Variants in ZNF536 observed in about 807,000 individuals in gnomAD.
ZNF536 encodes zinc finger protein 536.
ZNF536 carries 13 observed loss-of-function variants against 84.5 expected under a neutral mutation model. The ratio of observed to expected loss-of-function variants is 0.15; its 90% CI spans 0.10 to 0.24. The LOEUF (loss-of-function observed/expected upper bound fraction) is 0.24. Among genes scored for constraint, ZNF536 ranks in the 10% least tolerant of loss-of-function variants. The pLI, the probability that ZNF536 is intolerant of heterozygous loss-of-function variation, is 1.00. For synonymous variants in ZNF536, 811 were observed against 742.5 expected (o/e 1.09, Z -1.50); for missense variants, 1,536 against 1,747.5 (o/e 0.88, Z 2.16).
intron 1 of ZNF536, among the ~76,000 whole-genome samples, chr19:30,422,077 T>C (rs2050984384): frequency 1.3e-5 from 2 of 152,174 alleles, no homozygotes; most frequent in Non-Finnish European, 2.9e-5. Context: ...GCAGTACAAC[T>C]CTATAGCAAA....
At chr19:30,339,164 G>A (rs2047484277) in intron 2 of ZNF536, among the ~76,000 whole-genome samples, 1 of 152,174 alleles carries the variant, frequency 6.6e-6, no homozygotes, top group South Asian at 2.1e-4. Flanking sequence ...CCATGTTCTG[G>A]AGCAGTGAAA....
At chr19:30,369,961 G>A (rs778938397), upstream of ZNF536, among the ~76,000 whole-genome samples, 19 of 152,132 alleles carry the variant, frequency 1.2e-4, no homozygotes, top group Non-Finnish European at 2.6e-4. Flanking sequence ...TATATGTTGT[G>A]TCCACAGTGG....
intron 1 of ZNF536, among the ~76,000 whole-genome samples, chr19:30,610,929 T>C (rs1405627924): frequency 6.6e-6 from 1 of 152,206 alleles, no homozygotes; most frequent in African/African-American, 2.4e-5. Flanking sequence ...GAAGCTCTGT[T>C]ATTTACCTTC....
chr19:30,377,206 G>C (rs1382036851), intron 1 of ZNF536, among the ~76,000 whole-genome samples: 1 of 152,178 alleles, frequency 6.6e-6, no homozygotes, highest in African/African-American at 2.4e-5. Flanking sequence ...TCAGGTTCTC[G>C]GGAAAGCTGG....
intron 1 of ZNF536, among the ~76,000 whole-genome samples, chr19:30,248,186 G>T (rs892451885): frequency 3.3e-5 from 5 of 151,172 alleles, no homozygotes; most frequent in African/African-American, 1.2e-4. Context: ...TAGCTTTGAA[G>T]ATTTCTTTTT....
chr19:30,471,741 A>G (rs889982886), intron 2 of ZNF536, among the ~76,000 whole-genome samples: 1 of 152,246 alleles, frequency 6.6e-6, no homozygotes, highest in African/African-American at 2.4e-5. Flanking sequence ...GTAACATGAA[A>G]AACTTGACCG....
intron 1 of ZNF536, among the ~76,000 whole-genome samples, chr19:30,667,453 T>C (rs2050372256): frequency 6.6e-6 from 1 of 151,972 alleles, no homozygotes. Flanking sequence ...TCTGTGTCCA[T>C]CCGGGAGGCC....
chr19:30,548,160 A>G lies in ZNF536; in HGVS notation c.2541A>G (p.Gly847=), dbSNP rs759285273. 6.2e-7 allele frequency: 1 copy of G among 1,614,140 alleles called. No individual in the cohort carries two copies. The highest frequency in any genetic ancestry group is 1.1e-5 in the South Asian group (1 of 91,086). Residue 847 remains glycine (G), a synonymous_variant, in exon 4 of 5, where the codon GGA becomes GGG. Transcript: ENST00000355537. ...ILRGAFKGLP[G]IDFRGGPASQ... is the part of the protein sequence containing the mutation. ...GGGGGGCCTTCAAGGGTCTCCCTGG[A>G]ATCGACTTCAGAGGAGGCCCTGCAT...
chr19:30,403,214 AG>A (rs772213571), intron 1 of ZNF536, among the ~76,000 whole-genome samples: 3 of 152,178 alleles, frequency 2.0e-5, no homozygotes, highest in Non-Finnish European at 4.4e-5. Flanking sequence ...CAGACGTCGG[AG>A]TGACTGTAGA....
At chr19:30,516,608 T>A (rs547121047) in intron 2 of ZNF536, among the ~76,000 whole-genome samples, 5 of 152,290 alleles carry the variant, frequency 3.3e-5, no homozygotes, top group African/African-American at 1.2e-4. Context: ...ATTGAGTGAC[T>A]CTGTGGGCCA....
intron 1 of ZNF536, among the ~76,000 whole-genome samples, chr19:30,281,267 C>A (rs1034325851): frequency 2.0e-5 from 3 of 152,202 alleles, no homozygotes; most frequent in African/African-American, 4.8e-5. Context: ...TGTACTCCAG[C>A]CAGGGTCCAC....
chr19:30,620,926 G>T (rs958487398), intron 1 of ZNF536, among the ~76,000 whole-genome samples: 1 of 151,948 alleles, frequency 6.6e-6, no homozygotes, highest in Non-Finnish European at 1.5e-5. Flanking sequence ...CCTGTACTAG[G>T]ATTCCATTTT....
chr19:30,415,954 A>T (rs1006017016), intron 1 of ZNF536, among the ~76,000 whole-genome samples: 3 of 152,024 alleles, frequency 2.0e-5, no homozygotes, highest in African/African-American at 7.2e-5. Flanking sequence ...TTCTTTCTGG[A>T]ACTTCTACTT....
chr19:30,659,885 A>C (rs1019878519), intron 1 of ZNF536, among the ~76,000 whole-genome samples: 1 of 151,552 alleles, frequency 6.6e-6, no homozygotes. Flanking sequence ...TAGAGTGAGC[A>C]CTTGGACTCA....
rs577207911 is a variant in ZNF536 at position 30,636,819 on chromosome 19, G to A, written c.170-73938G>A. Among the ~76,000 whole-genome samples, 11 of 152,302 alleles carry A rather than the reference G, an allele frequency of 7.2e-5. No homozygotes were observed. The South Asian group carries it at 1.7e-3, about 23-fold the overall frequency. ...GCCTGTTGCGGGCCTGGGGACGGGG[G>A]CAGGCCGTGTCTTCTCTGGTCCCTG... On this transcript the variant is annotated intron_variant, in intron 1 of 1. Transcript: ENST00000592773.
intron 2 of ZNF536, among the ~76,000 whole-genome samples, chr19:30,516,349 T>C (rs750746578): frequency 6.6e-6 from 1 of 152,182 alleles, no homozygotes; most frequent in Non-Finnish European, 1.5e-5. Flanking sequence ...GCACTGAACC[T>C]GTGCAGGGCA....
At chr19:30,268,998 A>G (rs941144718) in intron 1 of ZNF536, among the ~76,000 whole-genome samples, 5 of 152,232 alleles carry the variant, frequency 3.3e-5, no homozygotes, top group Non-Finnish European at 7.3e-5. Context: ...AACACTTTGG[A>G]AAAACAACTA....
At chr19:30,231,650 G>A (rs2023053283) in intron 1 of ZNF536, among the ~76,000 whole-genome samples, 1 of 152,232 alleles carries the variant, frequency 6.6e-6, no homozygotes, top group South Asian at 2.1e-4. Context: ...GAGAGGGATT[G>A]GTTGTTCAGG....
intron 2 of ZNF536, among the ~76,000 whole-genome samples, chr19:30,463,821 T>C (rs1278946913): frequency 6.6e-6 from 1 of 152,078 alleles, no homozygotes; most frequent in Admixed American, 6.5e-5. Flanking sequence ...CGTGGGGGTT[T>C]GAGATGGGGT....
Sources: allele counts gnomAD v4.1 joint callset (sites outside exome capture counted in the v4.1 genomes callset), GRCh38; gene constraint gnomAD v4.1.1; transcripts MANE v1.5; gene names NCBI Gene and HGNC (gene_info 2026-07-23, HGNC 2026-07-21).